Variants in HERC1 observed in about 807,000 individuals in gnomAD.
The protein encoded by HERC1 is probable E3 ubiquitin-protein ligase HERC1.
Under a neutral mutation model 554.3 loss-of-function variants are expected in HERC1, and 160 were observed. The ratio of observed to expected loss-of-function variants is 0.29; its 90% CI spans 0.25 to 0.33. The LOEUF is 0.33. Ranked by LOEUF, HERC1 falls within the 10% of genes least tolerant of loss-of-function variation. HERC1 has a pLI of 1.00. For synonymous variants in HERC1, 2,175 were observed against 2,131.7 expected (o/e 1.02, Z -0.56); for missense variants, 4,919 against 5,918.5 (o/e 0.83, Z 5.54).
At chr15:63,661,058 T>C (rs750163202) in intron 45 of HERC1, 33 bp from the exon 46 acceptor site, 27 of 1,528,306 alleles carry the variant, frequency 1.8e-5, no homozygotes, top group Middle Eastern at 1.7e-4. Context: ...TGCATTTTTA[T>C]ATAAAACAGT....
intron 52 of HERC1, 55 bp downstream of exon 52, chr15:63,652,359 G>C (rs2069737807): frequency 6.6e-7 from 1 of 1,507,784 alleles, no homozygotes. Flanking sequence ...ACCAAGATGA[G>C]GCATGTTTAG....
intron 34 of HERC1, 122 bp downstream of exon 34, chr15:63,686,237 A>C (rs190131085): frequency 2.9e-6 from 2 of 682,278 alleles, no homozygotes; most frequent in Non-Finnish European, 4.9e-6. Context: ...ATTATCTTAC[A>C]TAATAATAGA....
intron 1 of HERC1, among the ~76,000 whole-genome samples, chr15:63,812,848 T>G (rs1403829733): frequency 6.6e-6 from 1 of 152,132 alleles, no homozygotes; most frequent in South Asian, 2.1e-4. Flanking sequence ...TGGAAAGACA[T>G]GCCACATTCC....
At chr15:63,679,914 C>T (rs922726959) in intron 36 of HERC1, among the ~76,000 whole-genome samples, 163 bp downstream of exon 36, 1 of 152,116 alleles carries the variant, frequency 6.6e-6, no homozygotes, top group Non-Finnish European at 1.5e-5. Flanking sequence ...ATTAATATAT[C>T]GTAAAGTCAA....
intron 12 of HERC1, 137 bp downstream of exon 12, chr15:63,746,781 C>T (rs2075070488): frequency 1.3e-6 from 1 of 750,242 alleles, no homozygotes; most frequent in African/African-American, 1.8e-5. Flanking sequence ...ACCAAAAATA[C>T]TCTCACCAAG....
intron 42 of HERC1, 120 bp downstream of exon 42, chr15:63,665,799 T>C (rs1027030710): frequency 3.0e-5 from 21 of 692,708 alleles, no homozygotes; most frequent in African/African-American, 2.9e-4. Context: ...GCCCATCTTT[T>C]CATATAACTA....
At chr15:63,786,796 A>G (rs1482518409) in intron 1 of HERC1, among the ~76,000 whole-genome samples, 3 of 152,228 alleles carry the variant, frequency 2.0e-5, no homozygotes, top group African/African-American at 7.2e-5. Context: ...CTTTGGAATT[A>G]TGAAAATGTT....
Position 63,674,920 on chromosome 15 carries a change from T to G in HERC1, c.7268A>C (p.Glu2423Ala). ...TTTCTGCTCAACATCCCCTTTCTCC[T>G]CGGATTCATGTCGGTGTTTCTTTTC... ...RHEKKHRHES[E>A]EKGDVEQKPE... The change falls in exon 38 of 78, where the codon GAG becomes GCG. Residue 2423 changes from glutamate to alanine, a missense_variant. By Grantham distance (107) the Glu-to-Ala change is moderately radical. Coordinates refer to ENST00000443617, the MANE Select transcript of HERC1 (RefSeq NM_003922.4). 6.2e-7 allele frequency: 1 copy of G among 1,614,048 alleles called. No individual in the cohort carries two copies.
chr15:63,694,792 C>T lies in HERC1; in HGVS notation c.5224G>A (p.Ala1742Thr). ...LSATLERALQ[A>T]NKHHIEAQQR... ...TACTTACCAATGTGATGCTTGTTTG[C>T]TTGCAGGGCTCTTTCCAGGGTAGCA... Residue 1742 changes from alanine (A) to threonine (T), a missense_variant, in exon 28 of 78, where the codon GCA becomes ACA. Ala to Thr is a moderately conservative substitution (Grantham distance 58). Transcript: ENST00000443617. The surrounding 1 kb of genome is among the most constrained non-coding windows in gnomAD (Gnocchi z 4.3). The T allele has an allele frequency of 6.2e-7, 1 of 1,613,888 alleles. No homozygotes were observed. The highest frequency in any genetic ancestry group is 8.5e-7 in the Non-Finnish European group (1 of 1,179,834).
chr15:63,738,658 A>G (rs750252028), intron 12 of HERC1, among the ~76,000 whole-genome samples: 15 of 152,216 alleles, frequency 9.9e-5, no homozygotes, highest in African/African-American at 1.4e-4. Flanking sequence ...ATAAATTACT[A>G]TAAGTTTCAG....
At chr15:63,690,340 C>T (rs2153037802) in intron 32 of HERC1, among the ~76,000 whole-genome samples, 1 of 152,114 alleles carries the variant, frequency 6.6e-6, no homozygotes, top group East Asian at 1.9e-4. Context: ...ATTCTCTATC[C>T]CTCTACTTCT....
In HERC1 at chr15:63,756,653, G is replaced by C; in HGVS notation, c.1317C>G (p.Asp439Glu). Residue 439 changes from aspartate (D) to glutamate (E), a missense_variant, in exon 5 of 78, where the codon GAC becomes GAG. Transcript: ENST00000443617. The surrounding 1 kb of genome is among the most constrained non-coding windows in gnomAD (Gnocchi z 5.0). ...TTTTTAAAGTTGACTGATTATTGGAGTCTCCAAGGCCCAGTCTCCCATAGC... is the reference window on the plus strand; with the variant it reads ...TTTTTAAAGTTGACTGATTATTGGACTCTCCAAGGCCCAGTCTCCCATAGC... Reference protein sequence around the residue: ...KGSYGRLGLGDSNNQSTLKKL... With the variant: ...KGSYGRLGLGESNNQSTLKKL... The C allele has an allele frequency of 6.2e-7, 1 of 1,613,130 alleles. No individual in the cohort carries two copies. The highest frequency in any genetic ancestry group is 8.5e-7 in the Non-Finnish European group (1 of 1,179,356).
rs187187282 is a variant in HERC1, at chr15:63,724,369, C to T, written c.3568+923G>A. Among the ~76,000 whole-genome samples, 87 of 152,256 alleles carry T rather than the reference C, an allele frequency of 5.7e-4. 2 individuals carry two copies. Among genetic ancestry groups the T allele is most frequent in the African/African-American group, 1.9e-3 (80 of 41,544 alleles). ...CAGTCCAACATTCACCAGCCATGGC[C>T]AAAATCACTTTCTGGTTCATAAATG... is the stretch of plus-strand genomic sequence containing the variant. On this transcript the variant is annotated intron_variant, in intron 18 of 77. Transcript: ENST00000443617.
Position 63,608,925 on chromosome 15 carries a change from T to G in HERC1, c.*156A>C. The stretch of plus-strand genomic sequence containing the variant: ...CACAGAAAAATAAAAACATCTAATT[T>G]CTTTGTTACATTTAGAGTAACTAAA... On this transcript the variant is annotated 3_prime_UTR_variant, in exon 78 of 78. Coordinates refer to ENST00000443617, the MANE Select transcript of HERC1 (RefSeq NM_003922.4). The G allele has an allele frequency of 1.8e-6, 1 of 554,976 alleles. No homozygotes were observed. Among genetic ancestry groups the G allele is most frequent in the Non-Finnish European group, 2.9e-6 (1 of 350,540 alleles). The allele number at this position is 554,976 out of a possible 1,614,324, so 34.4% of individuals were successfully genotyped here.
At chr15:63,707,612 C>A (rs2073077662) in intron 24 of HERC1, among the ~76,000 whole-genome samples, 1 of 152,054 alleles carries the variant, frequency 6.6e-6, no homozygotes. Flanking sequence ...ATCCAAAAAG[C>A]TTGTGTCAAA....
chr15:63,718,121 C>CACACACACACACACAT lies in HERC1; in HGVS notation c.3978+452_3978+453insATGTGTGTGTGTGTGT, dbSNP rs140819055. Among the ~76,000 whole-genome samples the CACACACACACACACAT allele has an allele frequency of 1.3e-3, 191 of 143,072 alleles. 3 individuals carry two copies. Among genetic ancestry groups the CACACACACACACACAT allele is most frequent in the Middle Eastern group, 0.011 (3 of 282 alleles). 93.9% of individuals were successfully genotyped at this position (143,072 alleles called of 152,430 possible). A position where few individuals can be genotyped will look rare whatever the true frequency, so the allele number is the denominator to read the frequency against. ...ACACACACACACACACACACACACA[C>CACACACACACACACAT]ACAACCCCCTCCTTGGTTTTCACTT... On this transcript the variant is annotated intron_variant, in intron 21 of 77. Coordinates refer to ENST00000443617, the MANE Select transcript of HERC1 (RefSeq NM_003922.4). The surrounding 1 kb of genome is among the most constrained non-coding windows in gnomAD (Gnocchi z 4.2).
chr15:63,737,548 TC>T (rs1388160153), intron 12 of HERC1, among the ~76,000 whole-genome samples: 2 of 107,556 alleles, frequency 1.9e-5, no homozygotes, highest in Admixed American at 1.8e-4. Flanking sequence ...TATATATATA[TC>T]TTTTTTTTTT....
At chr15:63,806,908 C>T (rs542884135) in intron 1 of HERC1, among the ~76,000 whole-genome samples, 10 of 152,246 alleles carry the variant, frequency 6.6e-5, no homozygotes, top group Middle Eastern at 3.4e-3. Context: ...CCACCGCGCC[C>T]GGCTAAGTTT....
Position 63,663,027 on chromosome 15 carries a change from A to T in HERC1, c.8858T>A (p.Ile2953Asn). The T allele has an allele frequency of 6.2e-7, 1 of 1,614,014 alleles. No individual in the cohort carries two copies. Among genetic ancestry groups the T allele is most frequent in the East Asian group, 2.2e-5 (1 of 44,888 alleles). ...TACCTCTGGGATCCACATTCCCAGA[A>T]TATCATTGTCACTGGTCAGGTCTTG... is the stretch of plus-strand genomic sequence containing the variant. ...FGQDLTSDNDILGMWIPEVLD... is the reference protein window; with the variant it reads ...FGQDLTSDNDNLGMWIPEVLD... The change falls in exon 44 of 78, where the codon ATT becomes AAT. Residue 2953 changes from isoleucine to asparagine, a missense_variant. This residue lies in a region of HERC1 where 1,963 missense variants were observed against 2,228.6 expected (regional missense o/e 0.88). Coordinates refer to ENST00000443617, the MANE Select transcript of HERC1 (RefSeq NM_003922.4).
Sources: gnomAD v4.1 joint callset for allele counts (sites outside exome capture counted in the v4.1 genomes callset) on GRCh38, gnomAD v4.1.1 for gene constraint, gnomAD v4.1.1 regional missense constraint, Gnocchi (gnomAD v3.1) non-coding constraint, MANE v1.5 for transcripts, NCBI Gene and HGNC (gene_info 2026-07-23, HGNC 2026-07-21) for gene names.